Variants in OSBPL9 observed in about 807,000 individuals in gnomAD.
OSBPL9 encodes the protein oxysterol binding protein like 9.
In OSBPL9, 40 loss-of-function variants were observed where a neutral mutation model predicts 106.6. That is an observed-to-expected ratio of 0.38 (90% CI 0.29 to 0.49). The LOEUF (loss-of-function observed/expected upper bound fraction) is 0.49. Among genes scored for constraint, OSBPL9 ranks in the 20% least tolerant of loss-of-function variants. The pLI, the probability that OSBPL9 is intolerant of heterozygous loss-of-function variation, is 0.97. For missense variants in OSBPL9, 609 were observed against 887.2 expected (o/e 0.69, Z 3.98); for synonymous variants, 269 against 295.4 (o/e 0.91, Z 0.92).
In OSBPL9 at chr1:51,729,808, G is replaced by GGGGGGTGAA. The variant is rs562609432; in HGVS notation, c.319-15711_319-15703dup. 3.6e-4 allele frequency: 445 copies of GGGGGGTGAA among 1,237,666 alleles called. 1 individual carries two copies. Among genetic ancestry groups the GGGGGGTGAA allele is most frequent in the Admixed American group, 8.9e-4 (21 of 23,652 alleles). The allele number at this position is 1,237,666 out of a possible 1,614,324, so 76.7% of individuals were successfully genotyped here. A position where few individuals can be genotyped will look rare whatever the true frequency, so the allele number is the denominator to read the frequency against. Reference sequence around the variant, plus strand: ...GCCGGGGAGGGGACGGGAAAGGGGTGGGGGGTGAAGGGGGTGAAGGGGGTG... The same window carrying GGGGGGTGAA: ...GCCGGGGAGGGGACGGGAAAGGGGTGGGGGGTGAAGGGGGTGAAGGGGGTGAAGGGGGTG... On this transcript the variant is annotated intron_variant, in intron 4 of 23. Transcript: ENST00000428468. The surrounding 1 kb of genome is among the most constrained non-coding windows in gnomAD (Gnocchi z 5.1).
intron 1 of OSBPL9, among the ~76,000 whole-genome samples, chr1:51,629,383 A>T (rs1644967175): frequency 6.6e-6 from 1 of 152,154 alleles, no homozygotes; most frequent in South Asian, 2.1e-4. Flanking sequence ...TTCAGTAAAT[A>T]TAGTCATGGG....
intron 8 of OSBPL9, among the ~76,000 whole-genome samples, chr1:51,752,230 T>G (rs915385501): frequency 1.3e-5 from 2 of 151,542 alleles, no homozygotes; most frequent in Non-Finnish European, 1.5e-5. Flanking sequence ...CAAGACAAGC[T>G]TCCCCCCTCC....
At chr1:51,785,997 A>G (rs367555453) in intron 21 of OSBPL9, 111 bp downstream of exon 21, 7 of 936,944 alleles carry the variant, frequency 7.5e-6, no homozygotes, top group South Asian at 2.9e-5. Flanking sequence ...CTTCTACAGT[A>G]TATTAGAGCT....
intron 3 of OSBPL9, among the ~76,000 whole-genome samples, chr1:51,686,004 A>G (rs542732235): frequency 2.5e-4 from 38 of 152,328 alleles, no homozygotes; most frequent in African/African-American, 8.2e-4. Context: ...AGGGGATCAA[A>G]TAAAAGAAAA....
At chr1:51,726,855 T>G (rs925034330) in intron 4 of OSBPL9, among the ~76,000 whole-genome samples, 6 of 152,232 alleles carry the variant, frequency 3.9e-5, no homozygotes, top group African/African-American at 1.4e-4. Context: ...TGGTTATAGC[T>G]TCTTGGTACA....
At position 51,784,009 on chromosome 1, in the gene OSBPL9, G is replaced by A; in HGVS notation, c.1608G>A (p.Val536=). 1 of 1,611,098 alleles carries A rather than the reference G, an allele frequency of 6.2e-7. No individual in the cohort carries two copies. Among genetic ancestry groups the A allele is most frequent in the Non-Finnish European group, 8.5e-7 (1 of 1,177,460 alleles). The stretch of plus-strand genomic sequence containing the variant: ...AATTCCTTGGGATGTCAATTGGGGT[G>A]CACAACATAGGGCAGGGTAAGTGTG... ...KSKFLGMSIG[V]HNIGQGCVSC... Residue 536 remains valine (V), a synonymous_variant, in exon 18 of 24, where the codon GTG becomes GTA. Transcript: ENST00000428468.
At chr1:51,687,566 T>C (rs1036928648) in intron 3 of OSBPL9, among the ~76,000 whole-genome samples, 1 of 151,892 alleles carries the variant, frequency 6.6e-6, no homozygotes, top group Non-Finnish European at 1.5e-5. Flanking sequence ...AGGCTGGAAG[T>C]GGAAAGAAGG....
intron 8 of OSBPL9, among the ~76,000 whole-genome samples, chr1:51,753,277 C>G (rs1287004513): frequency 1.3e-5 from 2 of 152,138 alleles, no homozygotes; most frequent in Non-Finnish European, 2.9e-5. Context: ...ACCACTGGAG[C>G]AAGTTTATTT....
Position 51,787,899 on chromosome 1 carries a change from G to T in OSBPL9, c.*110G>T. The stretch of plus-strand genomic sequence containing the variant: ...TTCATTCCAATCTTCTAATTACAGT[G>T]GTTCCTATCTCAGGGATACTGGACT... On this transcript the variant is annotated 3_prime_UTR_variant, in exon 24 of 24. Coordinates refer to ENST00000428468, the MANE Select transcript of OSBPL9 (RefSeq NM_024586.6). The T allele has an allele frequency of 1.0e-6, 1 of 977,008 alleles. No homozygotes were observed. Among genetic ancestry groups the T allele is most frequent in the East Asian group, 2.5e-5 (1 of 40,004 alleles). 60.5% of individuals were successfully genotyped at this position (977,008 alleles called of 1,614,324 possible).
At chr1:51,701,504 A>G (rs1657229595) in intron 3 of OSBPL9, among the ~76,000 whole-genome samples, 1 of 152,186 alleles carries the variant, frequency 6.6e-6, no homozygotes, top group Admixed American at 6.5e-5. Flanking sequence ...CTCATTATCT[A>G]TAACATACTC....
Position 51,729,858 on chromosome 1 carries a change from G to A in OSBPL9, c.319-15678G>A, listed in dbSNP as rs1242730385. 8.0e-7 allele frequency: 1 copy of A among 1,247,400 alleles called. No homozygotes were observed. Among genetic ancestry groups the A allele is most frequent in the Non-Finnish European group, 1.0e-6 (1 of 989,032 alleles). The allele number at this position is 1,247,400 out of a possible 1,614,324, so 77.3% of individuals were successfully genotyped here. ...GTCCCGGGGGACGGGCTGAACCTCA[G>A]TCAGGACCGCCTGCACCGCAGTCCG... is the stretch of plus-strand genomic sequence containing the variant. On this transcript the variant is annotated intron_variant, in intron 4 of 23. Coordinates refer to ENST00000428468, the MANE Select transcript of OSBPL9 (RefSeq NM_024586.6). The surrounding 1 kb of genome is among the most constrained non-coding windows in gnomAD (Gnocchi z 5.1).
chr1:51,560,320 C>T, the OSBPL9 span, among the ~76,000 whole-genome samples: 1 of 152,326 alleles, frequency 6.6e-6, no homozygotes, highest in African/African-American at 2.4e-5. Context: ...TGAATCGTGT[C>T]TCTACCATGC....
chr1:51,699,383 A>G (rs369277692), intron 3 of OSBPL9, among the ~76,000 whole-genome samples: 1 of 151,874 alleles, frequency 6.6e-6, no homozygotes, highest in East Asian at 1.9e-4. Flanking sequence ...CCTCTCACCC[A>G]GACACACACA....
At chr1:51,724,541 C>T (rs987716216) in intron 4 of OSBPL9, among the ~76,000 whole-genome samples, 2 of 152,214 alleles carry the variant, frequency 1.3e-5, no homozygotes, top group Non-Finnish European at 2.9e-5. Flanking sequence ...ATCTCGGCCT[C>T]CCAAATTGCT....
intron 4 of OSBPL9, among the ~76,000 whole-genome samples, chr1:51,723,573 G>T (rs572486197): frequency 6.6e-6 from 1 of 151,652 alleles, no homozygotes; most frequent in Non-Finnish European, 1.5e-5. Context: ...GAGACAAGGT[G>T]TCTCACTCTG....
rs187395668 is a variant in OSBPL9 at position 51,754,251 on chromosome 1, A to G, written c.544-2069A>G. Among the ~76,000 whole-genome samples the G allele has an allele frequency of 1.0e-3, 154 of 152,312 alleles. 2 individuals are homozygous for G. The highest frequency in any genetic ancestry group is 3.3e-3 in the Admixed American group (50 of 15,296). ...GGGGTTGACTGTGATTTACTAGAAC[A>G]CTATTTTTGCATTGTTTAATTATCA... is the stretch of plus-strand genomic sequence containing the variant. On this transcript the variant is annotated intron_variant, in intron 8 of 23. Coordinates refer to ENST00000428468, the MANE Select transcript of OSBPL9 (RefSeq NM_024586.6).
chr1:51,750,120 TAA>T (rs1364882970), intron 7 of OSBPL9, 23 bp from the exon 8 acceptor site: 1 of 1,567,228 alleles, frequency 6.4e-7, no homozygotes, highest in African/African-American at 1.4e-5. Context: ...GCCAAGATCC[TAA>T]AATCAGTGTT....
At chr1:51,554,362 A>T in the OSBPL9 span, among the ~76,000 whole-genome samples, 1 of 152,216 alleles carries the variant, frequency 6.6e-6, no homozygotes, top group African/African-American at 2.4e-5. Flanking sequence ...ACGGTTAAAA[A>T]TTTAATAAAC....
chr1:51,731,564 G>C (rs1002851528), intron 4 of OSBPL9, among the ~76,000 whole-genome samples: 2 of 152,164 alleles, frequency 1.3e-5, no homozygotes, highest in Non-Finnish European at 2.9e-5. Context: ...ATCTCTTGAG[G>C]TCAGGGGTTC....
Sources: gnomAD v4.1 joint callset for allele counts (sites outside exome capture counted in the v4.1 genomes callset) on GRCh38, gnomAD v4.1.1 for gene constraint, Gnocchi (gnomAD v3.1) non-coding constraint, MANE v1.5 for transcripts, NCBI Gene and HGNC (gene_info 2026-07-23, HGNC 2026-07-21) for gene names.